RFX2: variants seen among roughly 807,000 people sequenced by gnomAD.
The protein encoded by RFX2 is regulatory factor X2.
In RFX2, 20 loss-of-function variants were observed where a neutral mutation model predicts 87.8. That is an observed-to-expected ratio of 0.23 (90% CI 0.16 to 0.33). The LOEUF (loss-of-function observed/expected upper bound fraction) is 0.33, where lower values mean the gene tolerates loss of function less well. RFX2 is among the 10% of genes least tolerant of loss of function. RFX2 has a pLI of 1.00. For synonymous variants in RFX2, 397 were observed against 431.3 expected, an observed-to-expected ratio of 0.92 and a Z score of 0.98; for missense variants, 767 against 1,012.3, an observed-to-expected ratio of 0.76 and a Z score of 3.29.
chr19:6,085,459 C>A (rs1416718181), intron 1 of RFX2, among the ~76,000 whole-genome samples: 1 of 152,196 alleles, frequency 6.6e-6, no homozygotes, highest in Non-Finnish European at 1.5e-5. Context: ...GTCCTCTGCC[C>A]ATTAAAAAAT....
At chr19:6,084,643 C>CTTTTTTTTTT (rs57501118) in intron 1 of RFX2, among the ~76,000 whole-genome samples, 18,042 of 144,810 alleles carry the variant, frequency 0.12, 2,121 homozygotes, top group African/African-American at 0.29. Flanking sequence ...TTCTTTCTTT[C>CTTTTTTTTTT]TTTTTTTTGA....
At chr19:6,098,364 C>G (rs1057052299) in intron 1 of RFX2, among the ~76,000 whole-genome samples, 1 of 152,016 alleles carries the variant, frequency 6.6e-6, no homozygotes, top group African/African-American at 2.4e-5. Flanking sequence ...CTCCCTGCAC[C>G]GAGACAGCGC....
At position 5,994,893 on chromosome 19, in the gene RFX2, C is replaced by A. The variant is rs2086383716; in HGVS notation, c.2114G>T (p.Gly705Val). ...SEAGPDARSL[G>V]EPLVKRERSD... Reference sequence around the variant, plus strand: ...GCGCTCCCGCTTTACCAGGGGCTCACCCAGGCTGCGGGCGTCTGGGCCCGC... The same window carrying A: ...GCGCTCCCGCTTTACCAGGGGCTCAACCAGGCTGCGGGCGTCTGGGCCCGC... Residue 705 changes from glycine (G) to valine (V), a missense_variant, in exon 18 of 18, where the codon GGT becomes GTT. By Grantham distance (109) the Gly-to-Val change is moderately radical (BLOSUM62 -3). Around this residue, in one of 2 missense-constraint regions of RFX2, gnomAD observed 621 missense variants for 873.0 expected, o/e 0.71. Coordinates refer to ENST00000303657, the MANE Select transcript of RFX2 (RefSeq NM_000635.4). The A allele has an allele frequency of 6.2e-7, 1 of 1,610,492 alleles. No individual in the cohort carries two copies. Among genetic ancestry groups the A allele is most frequent in the East Asian group, 2.2e-5 (1 of 44,874 alleles).
chr19:6,034,209 T>A (rs2086990635), intron 5 of RFX2, among the ~76,000 whole-genome samples: 2 of 149,196 alleles, frequency 1.3e-5, no homozygotes, highest in South Asian at 4.2e-4. Flanking sequence ...TAGCTGGGAC[T>A]ACAGACACAC....
intron 1 of RFX2, among the ~76,000 whole-genome samples, chr19:6,087,763 C>T (rs1264620398): frequency 3.9e-5 from 6 of 152,202 alleles, no homozygotes; most frequent in African/African-American, 1.4e-4. Flanking sequence ...GGGCTGATAT[C>T]ATGGAAATAG....
In RFX2 at chr19:6,025,784, CT is replaced by C. The variant is rs1217365706; in HGVS notation, c.597+378del. On this transcript the variant is annotated intron_variant, in intron 6 of 17. Transcript: ENST00000303657. The stretch of plus-strand genomic sequence containing the variant: ...AAAGGTGTCATTTTATTGTCTTCTT[CT>C]TTTTTTTTTTTTTTTTTTGAGATGG... Among the ~76,000 whole-genome samples, 834 of 130,012 alleles carry C rather than the reference CT, an allele frequency of 6.4e-3. 3 individuals are homozygous for C. In the East Asian group the frequency reaches 0.065, roughly 10 times the overall value. 85.3% of individuals were successfully genotyped at this position (130,012 alleles called of 152,430 possible).
Position 5,997,366 on chromosome 19 carries a change from G to A in RFX2, c.1860-153C>T. ...CTAAGACGTGCAGGCCTACGCGGGG[G>A]CTGACGGGCTGCCGAGACCCTGGGC... On this transcript the variant is annotated intron_variant, in intron 15 of 17. Coordinates refer to ENST00000303657, the MANE Select transcript of RFX2 (RefSeq NM_000635.4). The surrounding 1 kb of genome is among the most constrained non-coding windows in gnomAD (Gnocchi z 4.2). 1.1e-6 allele frequency: 1 copy of A among 872,962 alleles called. No homozygotes were observed. The highest frequency in any genetic ancestry group is 1.7e-6 in the Non-Finnish European group (1 of 598,672). 54.1% of individuals were successfully genotyped at this position (872,962 alleles called of 1,614,324 possible).
intron 1 of RFX2, among the ~76,000 whole-genome samples, chr19:6,100,308 T>C (rs1373260586): frequency 1.3e-5 from 2 of 152,084 alleles, no homozygotes; most frequent in African/African-American, 4.8e-5. Flanking sequence ...GTTTGTCCGT[T>C]TGGCTAACAA....
chr19:6,002,482 G>A lies in RFX2; in HGVS notation c.1650+239C>T, dbSNP rs1426523505. 6.6e-6 allele frequency among the ~76,000 whole-genome samples: 1 copy of A among 152,246 alleles called. No homozygotes were observed. Among genetic ancestry groups the A allele is most frequent in the Non-Finnish European group, 1.5e-5 (1 of 68,042 alleles). On this transcript the variant is annotated intron_variant, in intron 14 of 17. Transcript: ENST00000303657. This position sits in a 1 kb window ranked among gnomAD's most constrained non-coding sequence, Gnocchi z 6.7. Reference sequence around the variant, plus strand: ...TCCTGGAAGCTGGGGGCCTTTGTGAGGAAAATGAGCAGAAGTGTTGGCCAC... The same window carrying A: ...TCCTGGAAGCTGGGGGCCTTTGTGAAGAAAATGAGCAGAAGTGTTGGCCAC...
rs2087252999 is a variant in RFX2, at chr19:6,050,471, T to C, written c.-8-2967A>G. Among the ~76,000 whole-genome samples the C allele has an allele frequency of 6.6e-6, 1 of 152,196 alleles. No individual in the cohort carries two copies. The highest frequency in any genetic ancestry group is 1.5e-5 in the Non-Finnish European group (1 of 68,034). ...AACTTCAAGAACTTAAAGGAAGTTA[T>C]ATACATAATGAATGAACATATGGGA... On this transcript the variant is annotated intron_variant, in intron 1 of 17. Coordinates refer to ENST00000303657, the MANE Select transcript of RFX2 (RefSeq NM_000635.4). The surrounding 1 kb of genome is among the most constrained non-coding windows in gnomAD (Gnocchi z 4.6).
At position 6,024,141 on chromosome 19, in the gene RFX2, C is replaced by G. The variant is rs1347205613; in HGVS notation, c.597+2022G>C. On this transcript the variant is annotated intron_variant, in intron 6 of 17. Coordinates refer to ENST00000303657, the MANE Select transcript of RFX2 (RefSeq NM_000635.4). The surrounding 1 kb of genome is among the most constrained non-coding windows in gnomAD (Gnocchi z 5.0). The stretch of plus-strand genomic sequence containing the variant: ...TGCTGCCTGTCCAGGCTCTGCACCC[C>G]CATCCTGCCTGGGTCACGCAGCCCT... Among the ~76,000 whole-genome samples, 2 of 152,218 alleles carry G rather than the reference C, an allele frequency of 1.3e-5. No individual in the cohort carries two copies. Among genetic ancestry groups the G allele is most frequent in the Non-Finnish European group, 2.9e-5 (2 of 68,044 alleles).
At chr19:6,054,772 A>G (rs1403199811) in intron 1 of RFX2, among the ~76,000 whole-genome samples, 1 of 152,228 alleles carries the variant, frequency 6.6e-6, no homozygotes, top group Non-Finnish European at 1.5e-5. Context: ...AGCTAAAACT[A>G]TAAGACTTCT....
intron 6 of RFX2, among the ~76,000 whole-genome samples, chr19:6,019,512 ATGTGTG>A (rs147877773): frequency 9.7e-4 from 123 of 127,004 alleles, no homozygotes; most frequent in African/African-American, 3.5e-3. Context: ...GTGTGTGAGT[ATGTGTG>A]TGTGTGTGTG....
In RFX2 at chr19:6,039,388, A is replaced by G. The variant is rs184152474; in HGVS notation, c.522+592T>C. ...TGTTCTGTGACCTGATTATACACAAATCTACCCATGTCAAAACTCACAAGG... is the reference window on the plus strand; with the variant it reads ...TGTTCTGTGACCTGATTATACACAAGTCTACCCATGTCAAAACTCACAAGG... On this transcript the variant is annotated intron_variant, in intron 5 of 17. Transcript: ENST00000303657. This position sits in a 1 kb window ranked among gnomAD's most constrained non-coding sequence, Gnocchi z 5.2. Among the ~76,000 whole-genome samples the G allele has an allele frequency of 1.5e-3, 227 of 152,336 alleles. 1 individual carries two copies. Among genetic ancestry groups the G allele is most frequent in the African/African-American group, 5.3e-3 (222 of 41,580 alleles).
At chr19:6,034,713 G>A (rs2086997632) in intron 5 of RFX2, among the ~76,000 whole-genome samples, 1 of 152,166 alleles carries the variant, frequency 6.6e-6, no homozygotes, top group Non-Finnish European at 1.5e-5. Flanking sequence ...AAGAAGAGAT[G>A]TGTGTGACTC....
rs2087090205 is a variant in RFX2, at chr19:6,040,286, A to C, written c.261-45T>G. ...CACGCATGGGACGCTGTCCCATTTA[A>C]ATGCCTTGTCTGAGTTCACAGATAT... is the stretch of plus-strand genomic sequence containing the variant. On this transcript the variant is annotated intron_variant, in intron 4 of 17. Coordinates refer to ENST00000303657, the MANE Select transcript of RFX2 (RefSeq NM_000635.4). This position sits in a 1 kb window ranked among gnomAD's most constrained non-coding sequence, Gnocchi z 6.1. The C allele has an allele frequency of 6.7e-7, 1 of 1,482,586 alleles. No homozygotes were observed. 91.8% of individuals were successfully genotyped at this position (1,482,586 alleles called of 1,614,324 possible). A position where few individuals can be genotyped will look rare whatever the true frequency, so the allele number is the denominator to read the frequency against.
rs1278951437 is a variant in RFX2, at chr19:6,044,338, T to A, written c.91-56A>T. 3 of 1,096,010 alleles carry A rather than the reference T, an allele frequency of 2.7e-6. No homozygotes were observed. Among genetic ancestry groups the A allele is most frequent in the Non-Finnish European group, 3.8e-6 (3 of 795,222 alleles). The allele number at this position is 1,096,010 out of a possible 1,614,324, so 67.9% of individuals were successfully genotyped here. On this transcript the variant is annotated intron_variant, in intron 2 of 17. Transcript: ENST00000303657. The surrounding 1 kb of genome is among the most constrained non-coding windows in gnomAD (Gnocchi z 5.3). ...ACTTGTCAGAGGTCAGTGCTGAGGATACACACAGAATGTAAGATGCTGTTT... is the reference window on the plus strand; with the variant it reads ...ACTTGTCAGAGGTCAGTGCTGAGGAAACACACAGAATGTAAGATGCTGTTT...
At chr19:6,092,370 C>G (rs1444887883) in intron 1 of RFX2, among the ~76,000 whole-genome samples, 1 of 152,124 alleles carries the variant, frequency 6.6e-6, no homozygotes, top group Non-Finnish European at 1.5e-5. Context: ...CAGCTTGGGA[C>G]GGAGGGTGGC....
intron 1 of RFX2, among the ~76,000 whole-genome samples, chr19:6,071,419 C>T (rs2087604839): frequency 6.6e-6 from 1 of 152,196 alleles, no homozygotes; most frequent in Admixed American, 6.5e-5. Context: ...ACAGACATAT[C>T]TCAATTGGCC....
Sources: allele counts gnomAD v4.1 joint callset (sites outside exome capture counted in the v4.1 genomes callset), GRCh38; gene constraint gnomAD v4.1.1; regional missense constraint gnomAD v4.1.1; non-coding constraint Gnocchi (gnomAD v3.1); transcripts MANE v1.5; gene names NCBI Gene and HGNC (gene_info 2026-07-23, HGNC 2026-07-21).